Variants in MYO1D observed in about 807,000 individuals in gnomAD.
The protein encoded by MYO1D is unconventional myosin-Id.
In MYO1D, 83 loss-of-function variants were observed where a neutral mutation model predicts 122.0. That is an observed-to-expected ratio of 0.68 (90% CI 0.57 to 0.82). The LOEUF (loss-of-function observed/expected upper bound fraction) is 0.82, where lower values mean the gene tolerates loss of function less well. Ranked by LOEUF, MYO1D falls within the 40% of genes least tolerant of loss-of-function variation. MYO1D has a pLI of 0.00. For synonymous variants in MYO1D, 464 were observed against 446.9 expected (o/e 1.04, Z -0.48); for missense variants, 1,157 against 1,269.5 (o/e 0.91, Z 1.35).
At chr17:32,784,615 G>A (rs2090274112) in intron 1 of MYO1D, among the ~76,000 whole-genome samples, 1 of 152,138 alleles carries the variant, frequency 6.6e-6, no homozygotes, top group African/African-American at 2.4e-5. Context: ...AGTAGTAATG[G>A]ATAAAATATA....
chr17:32,853,522 G>A (rs143289702), intron 1 of MYO1D, among the ~76,000 whole-genome samples: 1 of 152,292 alleles, frequency 6.6e-6, no homozygotes, highest in East Asian at 1.9e-4. Context: ...ATCCTCCTCT[G>A]AGTTCCTGGG....
At chr17:32,572,473 T>C (rs920700924) in intron 21 of MYO1D, among the ~76,000 whole-genome samples, 3 of 152,204 alleles carry the variant, frequency 2.0e-5, no homozygotes, top group Admixed American at 6.5e-5. Flanking sequence ...ACCATCTCCA[T>C]GGCTAAAATG....
At chr17:32,786,791 G>A (rs1034415761) in intron 1 of MYO1D, among the ~76,000 whole-genome samples, 40 of 152,286 alleles carry the variant, frequency 2.6e-4, no homozygotes, top group African/African-American at 8.9e-4. Context: ...CTTCACTCCA[G>A]CCTGGGTGAA....
intron 1 of MYO1D, among the ~76,000 whole-genome samples, chr17:32,832,528 G>A (rs1249810263): frequency 6.6e-6 from 1 of 152,068 alleles, no homozygotes; most frequent in Non-Finnish European, 1.5e-5. Flanking sequence ...TCGATCTCCT[G>A]ACCTTGCGAT....
chr17:32,789,105 A>G (rs2090326333), intron 1 of MYO1D, among the ~76,000 whole-genome samples: 1 of 152,088 alleles, frequency 6.6e-6, no homozygotes, highest in Middle Eastern at 3.4e-3. Flanking sequence ...ATTTGTGTAC[A>G]CTGATTTCAT....
intron 21 of MYO1D, among the ~76,000 whole-genome samples, chr17:32,595,323 G>A (rs914683615): frequency 6.6e-6 from 1 of 152,024 alleles, no homozygotes; most frequent in African/African-American, 2.4e-5. Context: ...CTAGAAGAGA[G>A]GATTTTCAAT....
At chr17:32,684,798 ACTG>A (rs2150969717) in intron 16 of MYO1D, among the ~76,000 whole-genome samples, 1 of 152,290 alleles carries the variant, frequency 6.6e-6, no homozygotes, top group African/African-American at 2.4e-5. Context: ...AACTTGAAAA[ACTG>A]CTGCCAATTT....
At chr17:32,686,496 A>G (rs564123440) in intron 16 of MYO1D, 2 of 152,062 alleles carry the variant, frequency 1.3e-5, no homozygotes, top group East Asian at 3.9e-4. Flanking sequence ...GTTTGTGATA[A>G]TTTTTTTTGC....
intron 21 of MYO1D, among the ~76,000 whole-genome samples, chr17:32,554,186 T>TCCCTGC (rs149083081): frequency 9.3e-4 from 141 of 151,960 alleles, no homozygotes; most frequent in Non-Finnish European, 1.6e-3. Flanking sequence ...GAGCTGAGAG[T>TCCCTGC]CCCTGCCCCT....
intron 1 of MYO1D, among the ~76,000 whole-genome samples, chr17:32,783,524 T>C (rs1208388027): frequency 6.6e-6 from 1 of 152,150 alleles, no homozygotes; most frequent in African/African-American, 2.4e-5. Flanking sequence ...TCTCATGTCT[T>C]AAGAAAATAA....
intron 20 of MYO1D, among the ~76,000 whole-genome samples, chr17:32,634,623 G>C (rs2150936145): frequency 6.6e-6 from 1 of 152,336 alleles, no homozygotes; most frequent in South Asian, 2.1e-4. Context: ...ACTTTCTGCT[G>C]AAAGCACTCA....
rs553705774 is a variant in MYO1D at position 32,501,183 on chromosome 17, C to A, written c.2865-6268G>T. On this transcript the variant is annotated intron_variant, in intron 21 of 21. Coordinates refer to ENST00000318217, the MANE Select transcript of MYO1D (RefSeq NM_015194.3). ...CAGCACTGTTTACCAAAGGTAGCAA[C>A]AGCCTTGTGATGTGATGATGGTGAT... Among the ~76,000 whole-genome samples the A allele has an allele frequency of 4.3e-4, 65 of 152,252 alleles. 1 individual carries two copies. Among genetic ancestry groups the A allele is most frequent in the African/African-American group, 1.5e-3 (63 of 41,526 alleles).
At chr17:32,610,271 T>C (rs2150918021) in intron 20 of MYO1D, among the ~76,000 whole-genome samples, 1 of 152,116 alleles carries the variant, frequency 6.6e-6, no homozygotes, top group South Asian at 2.1e-4. Context: ...CCCTTCTCTC[T>C]CCCTTGCTGT....
chr17:32,679,042 C>G (rs1233589198), intron 16 of MYO1D, among the ~76,000 whole-genome samples: 2 of 151,108 alleles, frequency 1.3e-5, no homozygotes, highest in Admixed American at 6.6e-5. Context: ...TGTTTTTTGG[C>G]TGCATAAATG....
intron 16 of MYO1D, among the ~76,000 whole-genome samples, chr17:32,693,063 A>G (rs1194050287): frequency 6.6e-6 from 1 of 152,214 alleles, no homozygotes; most frequent in Non-Finnish European, 1.5e-5. Flanking sequence ...GATTGTATAC[A>G]TCTTAACTAT....
intron 21 of MYO1D, among the ~76,000 whole-genome samples, chr17:32,501,217 T>C (rs1367635225): frequency 6.6e-6 from 1 of 152,148 alleles, no homozygotes; most frequent in African/African-American, 2.4e-5. Context: ...ATGATGATGA[T>C]GATATGATGA....
chr17:32,585,082 C>A (rs760376088), intron 21 of MYO1D, among the ~76,000 whole-genome samples: 2 of 152,152 alleles, frequency 1.3e-5, no homozygotes, highest in African/African-American at 2.4e-5. Context: ...AGCTAGGCTG[C>A]GCTTGGGTTG....
intron 16 of MYO1D, among the ~76,000 whole-genome samples, chr17:32,680,721 T>G (rs544618647): frequency 6.6e-6 from 1 of 152,220 alleles, no homozygotes; most frequent in African/African-American, 2.4e-5. Flanking sequence ...TCTAAAATTC[T>G]CTTTTTTGGT....
At chr17:32,500,729 A>G (rs56658986) in intron 21 of MYO1D, among the ~76,000 whole-genome samples, 8,244 of 152,226 alleles carry the variant, frequency 0.054, 719 homozygotes, top group African/African-American at 0.18. Flanking sequence ...TTGAGGGGCC[A>G]GGCGCAGTGG....
Sources: allele counts gnomAD v4.1 joint callset (sites outside exome capture counted in the v4.1 genomes callset), GRCh38; gene constraint gnomAD v4.1.1; transcripts MANE v1.5; gene names NCBI Gene and HGNC (gene_info 2026-07-23, HGNC 2026-07-21).